XKR4: variants seen among roughly 807,000 people sequenced by gnomAD.
The protein encoded by XKR4 is XK related 4.
Under a neutral mutation model 53.9 loss-of-function variants are expected in XKR4, and 12 were observed. That is an observed-to-expected ratio of 0.22 (90% confidence interval 0.14 to 0.36). XKR4 has a LOEUF of 0.36. Ranked by LOEUF, XKR4 falls within the 10% of genes least tolerant of loss-of-function variation. XKR4 has a pLI of 1.00. For missense variants in XKR4, 799 were observed against 859.5 expected, an observed-to-expected ratio of 0.93 and a Z score of 0.88; for synonymous variants, 354 against 362.4, an observed-to-expected ratio of 0.98 and a Z score of 0.26.
rs143834601 is a variant in XKR4 at position 55,491,818 on chromosome 8, C to T, written c.1007-31463C>T. Among the ~76,000 whole-genome samples the T allele has an allele frequency of 1.0e-3, 153 of 152,176 alleles. 1 individual carries two copies. The highest frequency in any genetic ancestry group is 1.9e-3 in the Non-Finnish European group (131 of 68,010). On this transcript the variant is annotated intron_variant, in intron 2 of 2. Coordinates refer to ENST00000327381, the MANE Select transcript of XKR4 (RefSeq NM_052898.2). ...CTTCTTTTATTTTGGATGGTCAAAA[C>T]GTACAGTATCACAACCGTATGTAAG...
chr8:55,447,452 TAAGA>T (rs1296565662), intron 2 of XKR4, among the ~76,000 whole-genome samples: 3 of 152,204 alleles, frequency 2.0e-5, no homozygotes, highest in Non-Finnish European at 2.9e-5. Context: ...AAAGGTTGGC[TAAGA>T]AAGAAAGGAA....
intron 1 of XKR4, among the ~76,000 whole-genome samples, chr8:55,275,122 C>A (rs958353341): frequency 7.9e-5 from 12 of 151,988 alleles, no homozygotes; most frequent in African/African-American, 2.9e-4. Context: ...AAAGTAGATA[C>A]GGTATTTTTG....
intron 1 of XKR4, among the ~76,000 whole-genome samples, chr8:55,296,689 G>A (rs1225595782): frequency 6.6e-6 from 1 of 152,056 alleles, no homozygotes; most frequent in Non-Finnish European, 1.5e-5. Flanking sequence ...TTAGAAGAAG[G>A]AAGTAACAGT....
At chr8:55,501,434 A>G (rs1327074510) in intron 2 of XKR4, among the ~76,000 whole-genome samples, 1 of 151,886 alleles carries the variant, frequency 6.6e-6, no homozygotes, top group Non-Finnish European at 1.5e-5. Flanking sequence ...GAAATTCTGT[A>G]CCCATCAAAC....
chr8:55,183,237 G>A (rs574190690), intron 1 of XKR4, among the ~76,000 whole-genome samples: 15 of 151,100 alleles, frequency 9.9e-5, no homozygotes, highest in African/African-American at 3.4e-4. Flanking sequence ...GCTCTAATAT[G>A]TATTATTGCC....
At chr8:55,497,168 G>C (rs564892028) in intron 2 of XKR4, among the ~76,000 whole-genome samples, 1 of 152,224 alleles carries the variant, frequency 6.6e-6, no homozygotes, top group East Asian at 1.9e-4. Flanking sequence ...GTATTTCCCA[G>C]ATGTCTATTT....
intron 2 of XKR4, chr8:55,452,185 AC>A: frequency 1.4e-6 from 1 of 722,588 alleles, no homozygotes; most frequent in Non-Finnish European, 2.4e-6. Context: ...GCACTGTCAG[AC>A]CCCACCTCCT....
intron 2 of XKR4, among the ~76,000 whole-genome samples, chr8:55,361,960 A>G (rs1452688940): frequency 6.6e-6 from 1 of 152,124 alleles, no homozygotes; most frequent in South Asian, 2.1e-4. Flanking sequence ...CCACATTAGT[A>G]TTTCCTCAAG....
chr8:55,236,056 A>G (rs1818117211), intron 1 of XKR4, among the ~76,000 whole-genome samples: 1 of 152,080 alleles, frequency 6.6e-6, no homozygotes, highest in Non-Finnish European at 1.5e-5. Context: ...TAGTCATCAC[A>G]CCTGGTTTGC....
At position 55,274,579 on chromosome 8, in the gene XKR4, C is replaced by T. The variant is rs558563760; in HGVS notation, c.807-83099C>T. 4.6e-5 allele frequency among the ~76,000 whole-genome samples: 7 copies of T among 152,090 alleles called. No individual in the cohort carries two copies. The South Asian group carries it at 6.2e-4, about 14-fold the overall frequency. ...TCCTGAGTAGCTGGGACTACAGGCTCGCACCACCACACCCAGCTAATGTTT... is the reference window on the plus strand; with the variant it reads ...TCCTGAGTAGCTGGGACTACAGGCTTGCACCACCACACCCAGCTAATGTTT... On this transcript the variant is annotated intron_variant, in intron 1 of 2. Transcript: ENST00000327381.
At chr8:55,209,602 G>T (rs11775852) in intron 1 of XKR4, among the ~76,000 whole-genome samples, 49,996 of 151,862 alleles carry the variant, frequency 0.33, 9,928 homozygotes, top group Middle Eastern at 0.46. Flanking sequence ...CTCCGCGGAC[G>T]TGCCGTGGGG....
chr8:55,224,235 A>G (rs1012590309), intron 1 of XKR4, among the ~76,000 whole-genome samples: 7 of 152,122 alleles, frequency 4.6e-5, no homozygotes, highest in Non-Finnish European at 1.0e-4. Flanking sequence ...TGAGATATTA[A>G]ATTTCTACCT....
chr8:55,295,823 A>T (rs1819094429), intron 1 of XKR4, among the ~76,000 whole-genome samples: 1 of 151,950 alleles, frequency 6.6e-6, no homozygotes, highest in Admixed American at 6.6e-5. Flanking sequence ...AATGGGGGGT[A>T]GATTTACTGA....
intron 1 of XKR4, among the ~76,000 whole-genome samples, chr8:55,161,843 G>A (rs957102267): frequency 7.9e-5 from 12 of 152,206 alleles, no homozygotes; most frequent in African/African-American, 2.9e-4. Flanking sequence ...GTGCATTTCT[G>A]TCAGCTCCTC....
intron 2 of XKR4, among the ~76,000 whole-genome samples, chr8:55,459,186 A>C (rs561712829): frequency 6.6e-6 from 1 of 152,178 alleles, no homozygotes; most frequent in Non-Finnish European, 1.5e-5. Context: ...AAGGAGAGTA[A>C]TTTCAACAAA....
At chr8:55,314,402 C>T (rs1466248365) in intron 1 of XKR4, among the ~76,000 whole-genome samples, 1 of 152,138 alleles carries the variant, frequency 6.6e-6, no homozygotes, top group Non-Finnish European at 1.5e-5. Context: ...GATGCCCATT[C>T]TGCCTGAGGC....
chr8:55,258,526 A>C (rs1043740766), intron 1 of XKR4, among the ~76,000 whole-genome samples: 4 of 152,182 alleles, frequency 2.6e-5, no homozygotes. Context: ...AGTTATGAGA[A>C]ACCTAAAGCG....
chr8:55,453,170 C>A (rs1805482985), intron 2 of XKR4: 6 of 508,004 alleles, frequency 1.2e-5, no homozygotes, highest in South Asian at 9.0e-5. Context: ...ACCACGTGCT[C>A]CTGCACAGAG....
chr8:55,164,779 CACACACACAT>C, intron 1 of XKR4: 2 of 171,308 alleles, frequency 1.2e-5, no homozygotes, highest in Non-Finnish European at 2.1e-5. Context: ...AACAAAAGTT[CACACACACAT>C]ACACACACAC....
Sources: allele counts gnomAD v4.1 joint callset (sites outside exome capture counted in the v4.1 genomes callset), GRCh38; gene constraint gnomAD v4.1.1; transcripts MANE v1.5; gene names NCBI Gene and HGNC (gene_info 2026-07-23, HGNC 2026-07-21).